NME9: variants seen among roughly 807,000 people sequenced by gnomAD.
The protein encoded by NME9 is thioredoxin domain-containing protein 6.
NME9 carries 48 observed loss-of-function variants against 44.4 expected under a neutral mutation model. That is an observed-to-expected ratio of 1.08 (90% confidence interval 0.86 to 1.37). The LOEUF is 1.37. Ranked by LOEUF, NME9 falls within the 40% of genes most tolerant of loss-of-function variation. The pLI is 0.00. For missense variants in NME9, 325 were observed against 405.2 expected (o/e 0.80, Z 1.70); for synonymous variants, 139 against 147.1 (o/e 0.94, Z 0.40).
At position 138,284,576 on chromosome 3, in the gene NME9, C is replaced by G. The variant is rs371471881; in HGVS notation, c.745+18931G>C. 222 of 1,314,212 alleles carry G rather than the reference C, an allele frequency of 1.7e-4. 1 individual carries two copies. The highest frequency in any genetic ancestry group is 2.0e-4 in the Non-Finnish European group (181 of 912,042). 81.4% of individuals were successfully genotyped at this position (1,314,212 alleles called of 1,614,324 possible). A position where few individuals can be genotyped will look rare whatever the true frequency, so the allele number is the denominator to read the frequency against. On this transcript the variant is annotated intron_variant, in intron 8 of 8. Transcript: ENST00000317876. ...TAGGATTAGAATGCAGGGACTGTTG[C>G]ATTTTTAACTCAAAATAAATTGTGC...
intron 8 of NME9, among the ~76,000 whole-genome samples, chr3:138,292,860 G>A (rs1185026658): frequency 6.6e-6 from 1 of 152,200 alleles, no homozygotes; most frequent in Non-Finnish European, 1.5e-5. Flanking sequence ...AGGCAGTGAT[G>A]AGAAAGATGC....
chr3:138,266,966 G>A (rs114570711), intron 8 of NME9, among the ~76,000 whole-genome samples: 1,828 of 152,278 alleles, frequency 0.012, 46 homozygotes, highest in African/African-American at 0.042. Flanking sequence ...ATTTGAGGGC[G>A]TTAGTCCGTC....
In NME9 at chr3:138,262,387, CA is replaced by C. The variant is rs530301181; in HGVS notation, c.*152del. The C allele has an allele frequency of 1.2e-5, 10 of 843,786 alleles. No homozygotes were observed. The East Asian group carries it at 2.0e-4, about 17-fold the overall frequency. 52.3% of individuals were successfully genotyped at this position (843,786 alleles called of 1,614,324 possible). ...GATAAAAATTACCATTCCTAATCTA[CA>C]GCTAAAATGTGGTTCCCTGTTCTTA... On this transcript the variant is annotated 3_prime_UTR_variant, in exon 9 of 9. Coordinates refer to the NME9 transcript ENST00000317876.
chr3:138,263,393 A>C, intron 8 of NME9: 1 of 238,686 alleles, frequency 4.2e-6, no homozygotes, highest in Non-Finnish European at 8.3e-6. Flanking sequence ...TCTGGAAGGA[A>C]CCTGCCCAAT....
At chr3:138,267,795 T>C (rs2048411398) in intron 8 of NME9, among the ~76,000 whole-genome samples, 1 of 152,240 alleles carries the variant, frequency 6.6e-6, no homozygotes, top group Non-Finnish European at 1.5e-5. Flanking sequence ...GAAAACCTTA[T>C]ACAGTTAGTT....
intron 6 of NME9, among the ~76,000 whole-genome samples, chr3:138,313,613 G>A (rs1047921519): frequency 1.3e-5 from 2 of 152,128 alleles, no homozygotes; most frequent in African/African-American, 4.8e-5. Flanking sequence ...CTGCACTCCC[G>A]TGTTTATTGC....
chr3:138,306,287 C>A, intron 7 of NME9, 111 bp downstream of exon 7: 1 of 930,514 alleles, frequency 1.1e-6, no homozygotes, highest in East Asian at 2.5e-5. Context: ...GCTACAACCC[C>A]TTAGAATTCA....
At chr3:138,284,298 G>C (rs2050201230) in intron 8 of NME9, 1 of 675,508 alleles carries the variant, frequency 1.5e-6, no homozygotes, top group African/African-American at 1.8e-5. Flanking sequence ...CAGCAGATGA[G>C]AAATCAGGGC....
At chr3:138,267,093 T>A (rs754049136) in intron 8 of NME9, 3 of 831,258 alleles carry the variant, frequency 3.6e-6, no homozygotes, top group Non-Finnish European at 5.6e-6. Context: ...ATTTTATATC[T>A]CATTTTATAT....
At chr3:138,327,923 G>T (rs1303649173) in intron 1 of NME9, among the ~76,000 whole-genome samples, 6 of 152,088 alleles carry the variant, frequency 3.9e-5, no homozygotes, top group Admixed American at 3.3e-4. Flanking sequence ...CATAATATGG[G>T]GCAATAACAT....
chr3:138,319,250 C>A (rs924843934), intron 3 of NME9, among the ~76,000 whole-genome samples: 1 of 152,034 alleles, frequency 6.6e-6, no homozygotes, highest in Admixed American at 6.6e-5. Context: ...TCATACAGCA[C>A]CAAGAACTGC....
chr3:138,315,766 G>A (rs987727287), intron 4 of NME9, 123 bp from the exon 5 acceptor site: 63 of 702,716 alleles, frequency 9.0e-5, no homozygotes, highest in South Asian at 3.1e-4. Flanking sequence ...CTGTAGCAGC[G>A]TGCTCACTTC....
chr3:138,289,432 GGA>G (rs932383000), intron 8 of NME9, among the ~76,000 whole-genome samples: 4 of 152,326 alleles, frequency 2.6e-5, no homozygotes, highest in Admixed American at 2.6e-4. Context: ...GAAGGTGAGA[GGA>G]GAGAGTGGGT....
At chr3:138,268,585 G>A (rs574569765) in intron 8 of NME9, among the ~76,000 whole-genome samples, 7 of 152,066 alleles carry the variant, frequency 4.6e-5, no homozygotes, top group Non-Finnish European at 1.0e-4. Flanking sequence ...ACTCCCAACC[G>A]GGGCAACATA....
chr3:138,324,959 T>C (rs1273428580), intron 1 of NME9, 29 bp from the exon 2 acceptor site: 5 of 1,588,318 alleles, frequency 3.1e-6, no homozygotes, highest in Non-Finnish European at 4.3e-6. Context: ...AAATGCCGTA[T>C]TACTGAGGGC....
At position 138,301,167 on chromosome 3, in the gene NME9, A is replaced by C. The variant is rs2051819912; in HGVS notation, c.*473T>G. 2 of 929,656 alleles carry C rather than the reference A, an allele frequency of 2.2e-6. No individual in the cohort carries two copies. The highest frequency in any genetic ancestry group is 3.6e-5 in the African/African-American group (2 of 56,154). 57.6% of individuals were successfully genotyped at this position (929,656 alleles called of 1,614,324 possible). Reference sequence around the variant, plus strand: ...ACTGCGTTCTACATACTGTTTAATAAGGCAGAAAAGTATATACTATTCTCT... The same window carrying C: ...ACTGCGTTCTACATACTGTTTAATACGGCAGAAAAGTATATACTATTCTCT... On this transcript the variant is annotated 3_prime_UTR_variant, in exon 11 of 11. Coordinates refer to ENST00000333911, the MANE Select transcript of NME9 (RefSeq NM_001349018.2).
chr3:138,321,017 C>A (rs2053432761), intron 2 of NME9, among the ~76,000 whole-genome samples: 1 of 152,194 alleles, frequency 6.6e-6, no homozygotes, highest in African/African-American at 2.4e-5. Context: ...TGTCCTGTTA[C>A]AGCAGCATAA....
intron 8 of NME9, chr3:138,263,975 C>G: frequency 2.1e-6 from 2 of 946,240 alleles, no homozygotes; most frequent in Non-Finnish European, 3.3e-6. Context: ...TAACAGAGAG[C>G]CTGGCCTCCA....
intron 8 of NME9, among the ~76,000 whole-genome samples, chr3:138,305,306 T>C (rs546634317): frequency 6.6e-6 from 1 of 152,274 alleles, no homozygotes; most frequent in African/African-American, 2.4e-5. Flanking sequence ...AAACGTGAGA[T>C]TATATAAATT....
Sources: gnomAD v4.1 joint callset for allele counts (sites outside exome capture counted in the v4.1 genomes callset) on GRCh38, gnomAD v4.1.1 for gene constraint, MANE v1.5 for transcripts, NCBI Gene and HGNC (gene_info 2026-07-23, HGNC 2026-07-21) for gene names.